Variants in GPHN observed in about 807,000 individuals in gnomAD.
The protein encoded by GPHN is gephyrin.
GPHN carries 17 observed loss-of-function variants against 95.5 expected under a neutral mutation model. That is an observed-to-expected ratio of 0.18 (90% CI 0.12 to 0.27). The LOEUF is 0.27. Among genes scored for constraint, GPHN ranks in the 10% least tolerant of loss-of-function variants. The probability of loss-of-function intolerance (pLI) is 1.00; values close to 1 mark genes in which losing one functional copy is unlikely to be tolerated. For missense variants in GPHN, 660 were observed against 978.1 expected (o/e 0.67, Z 4.34); for synonymous variants, 320 against 322.5 (o/e 0.99, Z 0.08).
chr14:67,026,635 T>TTTTG (rs904789525), intron 10 of GPHN, among the ~76,000 whole-genome samples: 6 of 151,876 alleles, frequency 4.0e-5, no homozygotes, highest in Admixed American at 2.0e-4. Context: ...CCACATTTTT[T>TTTTG]TTTGTTTGTT....
intron 4 of GPHN, among the ~76,000 whole-genome samples, chr14:66,878,129 A>G (rs1023325299): frequency 1.3e-5 from 2 of 152,204 alleles, no homozygotes; most frequent in Non-Finnish European, 2.9e-5. Context: ...TGGGGAAAGA[A>G]TTTTCTATTT....
chr14:67,212,080 G>A, the GPHN span, among the ~76,000 whole-genome samples: 1 of 152,208 alleles, frequency 6.6e-6, no homozygotes, highest in Non-Finnish European at 1.5e-5. Flanking sequence ...GCATGCTAAA[G>A]TCAAATATAG....
the GPHN span, chr14:67,678,011 T>TA: frequency 4.1e-3 from 810 of 199,852 alleles, 8 homozygotes; most frequent in African/African-American, 0.017. Context: ...TGCTATAGCT[T>TA]AGATTCTCCT....
intron 4 of GPHN, among the ~76,000 whole-genome samples, chr14:66,840,869 G>A (rs2062047985): frequency 6.6e-6 from 1 of 150,968 alleles, no homozygotes; most frequent in South Asian, 2.1e-4. Flanking sequence ...CTCATAGTAT[G>A]TGAGCTTTCA....
At chr14:67,098,406 A>G (rs913051548) in intron 12 of GPHN, among the ~76,000 whole-genome samples, 1 of 152,208 alleles carries the variant, frequency 6.6e-6, no homozygotes, top group Non-Finnish European at 1.5e-5. Context: ...AGAGAGGTTT[A>G]GTAATTTTGC....
At chr14:66,597,413 G>A (rs1323617306) in intron 1 of GPHN, among the ~76,000 whole-genome samples, 3 of 152,162 alleles carry the variant, frequency 2.0e-5, no homozygotes, top group African/African-American at 7.2e-5. Context: ...TAAAAACAAA[G>A]TCCGGAGGGG....
At chr14:67,370,919 C>T in the GPHN span, among the ~76,000 whole-genome samples, 1 of 151,968 alleles carries the variant, frequency 6.6e-6, no homozygotes, top group Non-Finnish European at 1.5e-5. Flanking sequence ...GTTCCAGCTA[C>T]TAGAGAAGCT....
chr14:66,571,465 C>G (rs1442831314), intron 1 of GPHN, among the ~76,000 whole-genome samples: 1 of 152,122 alleles, frequency 6.6e-6, no homozygotes, highest in East Asian at 1.9e-4. Context: ...GATCATGTAC[C>G]TTGCTGGGCA....
chr14:67,639,136 C>T, the GPHN span, among the ~76,000 whole-genome samples: 507 of 152,316 alleles, frequency 3.3e-3, 19 homozygotes, highest in East Asian at 0.082. Context: ...TTCCTGGGAA[C>T]GTTACTGTAA....
At chr14:66,524,741 T>C (rs2058619840) in intron 1 of GPHN, among the ~76,000 whole-genome samples, 4 of 152,030 alleles carry the variant, frequency 2.6e-5, no homozygotes, top group South Asian at 2.1e-4. Flanking sequence ...AGTGAGAACA[T>C]GTGGTGTTTG....
At chr14:67,602,132 G>C in the GPHN span, among the ~76,000 whole-genome samples, 1 of 152,208 alleles carries the variant, frequency 6.6e-6, no homozygotes, top group Non-Finnish European at 1.5e-5. Flanking sequence ...ATAAAGAAAA[G>C]AGGTTTATTG....
intron 8 of GPHN, among the ~76,000 whole-genome samples, chr14:66,926,685 A>G (rs971529345): frequency 6.6e-6 from 1 of 152,158 alleles, no homozygotes; most frequent in Non-Finnish European, 1.5e-5. Flanking sequence ...AGGTAGTGTG[A>G]TTCTTCCAGT....
At chr14:67,408,995 G>A in the GPHN span, among the ~76,000 whole-genome samples, 5 of 151,236 alleles carry the variant, frequency 3.3e-5, no homozygotes, top group African/African-American at 7.3e-5. Flanking sequence ...TGGGAGGATC[G>A]CTTGAGCCCA....
chr14:66,611,796 C>T (rs555261895), intron 1 of GPHN, among the ~76,000 whole-genome samples: 1 of 152,278 alleles, frequency 6.6e-6, no homozygotes, highest in South Asian at 2.1e-4. Flanking sequence ...TCCATTCTCC[C>T]TATCATTGCC....
intron 1 of GPHN, among the ~76,000 whole-genome samples, chr14:66,619,960 T>G (rs531575498): frequency 1.3e-5 from 2 of 152,256 alleles, no homozygotes; most frequent in African/African-American, 4.8e-5. Flanking sequence ...CGGGCCAGGT[T>G]AGGAGATGTA....
the GPHN span, among the ~76,000 whole-genome samples, chr14:67,610,684 C>T: frequency 2.6e-5 from 4 of 152,172 alleles, no homozygotes; most frequent in African/African-American, 9.7e-5. Context: ...CTGGTCCTGA[C>T]ATCACCCACA....
chr14:66,576,073 AC>A (rs888181219), intron 1 of GPHN, among the ~76,000 whole-genome samples: 1 of 151,736 alleles, frequency 6.6e-6, no homozygotes, highest in Non-Finnish European at 1.5e-5. Flanking sequence ...GGTCTGCTGG[AC>A]CCTGCCTGGT....
At chr14:66,999,198 A>T (rs983681490) in intron 9 of GPHN, among the ~76,000 whole-genome samples, 1 of 151,936 alleles carries the variant, frequency 6.6e-6, no homozygotes, top group Admixed American at 6.6e-5. Flanking sequence ...TTTTCACTTC[A>T]TCCATTTACT....
At chr14:66,511,390 CTT>C (rs1231303990) in intron 1 of GPHN, among the ~76,000 whole-genome samples, 3 of 152,088 alleles carry the variant, frequency 2.0e-5, no homozygotes, top group East Asian at 1.9e-4. Context: ...TGGAGGGTCT[CTT>C]TTAGAAAATC....
Sources: gnomAD v4.1 joint callset for allele counts (sites outside exome capture counted in the v4.1 genomes callset) on GRCh38, gnomAD v4.1.1 for gene constraint, MANE v1.5 for transcripts, NCBI Gene and HGNC (gene_info 2026-07-23, HGNC 2026-07-21) for gene names.